The following TRAT1 variants were observed in gnomAD, a reference collection of about 807,000 sequenced individuals.
TRAT1 encodes T-cell receptor-associated transmembrane adapter 1.
In TRAT1, 20 loss-of-function variants were observed where a neutral mutation model predicts 20.0. The observed-to-expected ratio is 1.00, with a 90% CI of 0.70 to 1.45. The LOEUF is 1.45. Among genes scored for constraint, TRAT1 ranks in the 40% most tolerant of loss-of-function variants. The pLI is 0.00. For synonymous variants in TRAT1, 77 were observed against 74.2 expected, an observed-to-expected ratio of 1.04 and a Z score of -0.20; for missense variants, 237 against 224.1, an observed-to-expected ratio of 1.06 and a Z score of -0.37.
intron 2 of TRAT1, among the ~76,000 whole-genome samples, chr3:108,835,980 C>T (rs888598929): frequency 6.6e-6 from 1 of 152,054 alleles, no homozygotes; most frequent in African/African-American, 2.4e-5. Context: ...AGTGCAGTGG[C>T]ACGATCTCAG....
At chr3:108,844,582 C>T (rs1417808093) in intron 3 of TRAT1, among the ~76,000 whole-genome samples, 1 of 151,582 alleles carries the variant, frequency 6.6e-6, no homozygotes, top group Non-Finnish European at 1.5e-5. Context: ...CAGTGGCTCA[C>T]GCCTATAATC....
intron 2 of TRAT1, 146 bp downstream of exon 2, chr3:108,830,926 C>T (rs1007677463): frequency 1.0e-4 from 62 of 608,918 alleles, no homozygotes; most frequent in African/African-American, 7.9e-4. Flanking sequence ...TAATTTTTCT[C>T]GCCCAAAGGG....
intron 3 of TRAT1, among the ~76,000 whole-genome samples, chr3:108,841,994 A>G (rs534932355): frequency 6.6e-6 from 1 of 152,272 alleles, no homozygotes; most frequent in South Asian, 2.1e-4. Context: ...TTTATAATAT[A>G]ATACTTTATT....
At chr3:108,839,085 G>GTAATTAAAAC in intron 3 of TRAT1, 118 bp downstream of exon 3, 2 of 795,706 alleles carry the variant, frequency 2.5e-6, no homozygotes, top group Non-Finnish European at 4.3e-6. Context: ...GAAATGAAAA[G>GTAATTAAAAC]TGAGTTTTAA....
intron 3 of TRAT1, among the ~76,000 whole-genome samples, chr3:108,846,086 T>C (rs2107514472): frequency 6.6e-6 from 1 of 152,324 alleles, no homozygotes; most frequent in Non-Finnish European, 1.5e-5. Flanking sequence ...AGCCTTTGAA[T>C]TGTATCACCC....
intron 5 of TRAT1, among the ~76,000 whole-genome samples, chr3:108,851,562 C>A (rs913419670): frequency 1.3e-5 from 2 of 151,574 alleles, no homozygotes; most frequent in African/African-American, 4.8e-5. Flanking sequence ...GAACTTTTCT[C>A]AAGTTTCCAT....
intron 3 of TRAT1, among the ~76,000 whole-genome samples, chr3:108,842,194 G>A (rs1945901950): frequency 6.6e-6 from 1 of 152,148 alleles, no homozygotes; most frequent in African/African-American, 2.4e-5. Flanking sequence ...TGCATTTCCA[G>A]CAGATTTTCA....
intron 4 of TRAT1, among the ~76,000 whole-genome samples, chr3:108,848,833 G>T (rs7609997): frequency 0.37 from 55,898 of 152,074 alleles, 10,748 homozygotes; most frequent in Non-Finnish European, 0.42. Flanking sequence ...AAGAATACTG[G>T]CAATCCCTTA....
At chr3:108,845,050 C>G (rs1472556873) in intron 3 of TRAT1, among the ~76,000 whole-genome samples, 1 of 152,030 alleles carries the variant, frequency 6.6e-6, no homozygotes. Flanking sequence ...ACACTAGCCT[C>G]TCAGATATGA....
intron 3 of TRAT1, among the ~76,000 whole-genome samples, chr3:108,840,242 T>C (rs1361323237): frequency 6.6e-6 from 1 of 152,224 alleles, no homozygotes; most frequent in African/African-American, 2.4e-5. Context: ...TAGATACTTT[T>C]CAAGTCATTA....
At chr3:108,831,267 T>G (rs962564808) in intron 2 of TRAT1, among the ~76,000 whole-genome samples, 1 of 152,186 alleles carries the variant, frequency 6.6e-6, no homozygotes, top group Non-Finnish European at 1.5e-5. Flanking sequence ...GGGCTTGCTG[T>G]CAAACACTCC....
At chr3:108,833,928 A>C in intron 2 of TRAT1, among the ~76,000 whole-genome samples, 1 of 151,956 alleles carries the variant, frequency 6.6e-6, no homozygotes, top group East Asian at 1.9e-4. Flanking sequence ...CCTTCTTTCC[A>C]CAAATAATTA....
chr3:108,853,647 G>T lies in TRAT1; in HGVS notation c.331G>T (p.Ala111Ser), dbSNP rs138948679. Residue 111 changes from alanine to serine, a missense_variant, in exon 6 of 6, where the codon GCC becomes TCC. By Grantham distance (99) the Ala-to-Ser change is moderately conservative. Transcript: ENST00000295756. ...AACCAATGAAACACAGATGTGCTACGCCTCACTTGATCACAGCGTTAAGGG... is the reference window on the plus strand; with the variant it reads ...AACCAATGAAACACAGATGTGCTACTCCTCACTTGATCACAGCGTTAAGGG... ...QATNETQMCYASLDHSVKGKR... is the reference protein window; with the variant it reads ...QATNETQMCYSSLDHSVKGKR... 6.2e-7 allele frequency: 1 copy of T among 1,613,892 alleles called. No homozygotes were observed. Among genetic ancestry groups the T allele is most frequent in the Non-Finnish European group, 8.5e-7 (1 of 1,179,918 alleles).
chr3:108,843,999 G>A (rs776330276), intron 3 of TRAT1, among the ~76,000 whole-genome samples: 1 of 152,048 alleles, frequency 6.6e-6, no homozygotes, highest in South Asian at 2.1e-4. Context: ...ACACACTTAC[G>A]GATCCCAAGC....
intron 3 of TRAT1, among the ~76,000 whole-genome samples, chr3:108,846,102 A>G (rs1401378329): frequency 6.6e-6 from 1 of 152,228 alleles, no homozygotes; most frequent in African/African-American, 2.4e-5. Flanking sequence ...CACCCACTGA[A>G]TAACTTCCTC....
At chr3:108,832,416 A>G (rs1277646289) in intron 2 of TRAT1, among the ~76,000 whole-genome samples, 1 of 152,250 alleles carries the variant, frequency 6.6e-6, no homozygotes, top group East Asian at 1.9e-4. Flanking sequence ...TCAAATAAAC[A>G]TAAACTATAT....
Position 108,830,662 on chromosome 3 carries a change from A to AT in TRAT1, c.8-5dup, listed in dbSNP as rs1459902216. ...TTATATTATGTGTATGTTTATTTTA[A>AT]TTTCCAGGAATCTCTGGGTGCCCCT... On this transcript the variant is annotated splice_polypyrimidine_tract_variant and splice_region_variant and intron_variant, in intron 1 of 5. Coordinates refer to ENST00000295756, the MANE Select transcript of TRAT1 (RefSeq NM_016388.4). 1 of 1,586,584 alleles carries AT rather than the reference A, an allele frequency of 6.3e-7. No homozygotes were observed. Among genetic ancestry groups the AT allele is most frequent in the Non-Finnish European group, 8.7e-7 (1 of 1,155,022 alleles).
In TRAT1 at chr3:108,823,185, A is replaced by T. The variant is rs188194854; in HGVS notation, c.7+251A>T. Reference sequence around the variant, plus strand: ...ACAGCTGTTCAGTAAGTGTTCACTGATAATTATGCCATGTGAAGTACTTGT... The same window carrying T: ...ACAGCTGTTCAGTAAGTGTTCACTGTTAATTATGCCATGTGAAGTACTTGT... On this transcript the variant is annotated intron_variant, in intron 1 of 5. Coordinates refer to ENST00000295756, the MANE Select transcript of TRAT1 (RefSeq NM_016388.4). Among the ~76,000 whole-genome samples, 6 of 152,340 alleles carry T rather than the reference A, an allele frequency of 3.9e-5. No homozygotes were observed. In the East Asian group the frequency reaches 1.2e-3, roughly 29 times the overall value.
intron 3 of TRAT1, among the ~76,000 whole-genome samples, chr3:108,841,218 G>C (rs1158048722): frequency 6.6e-6 from 1 of 152,244 alleles, no homozygotes; most frequent in African/African-American, 2.4e-5. Flanking sequence ...TTCCCTTAAG[G>C]ATTTATAAAA....
Sources: allele counts gnomAD v4.1 joint callset (sites outside exome capture counted in the v4.1 genomes callset), GRCh38; gene constraint gnomAD v4.1.1; transcripts MANE v1.5; gene names NCBI Gene and HGNC (gene_info 2026-07-23, HGNC 2026-07-21).